Variants in IMMP2L observed in about 807,000 individuals in gnomAD.
IMMP2L encodes inner mitochondrial membrane peptidase subunit 2.
IMMP2L carries 18 observed loss-of-function variants against 19.3 expected under a neutral mutation model. The ratio of observed to expected loss-of-function variants is 0.93; its 90% CI spans 0.64 to 1.38. IMMP2L has a LOEUF of 1.38. Ranked by LOEUF, IMMP2L falls within the 40% of genes most tolerant of loss-of-function variation. IMMP2L has a pLI of 0.00. For missense variants in IMMP2L, 233 were observed against 218.2 expected (o/e 1.07, Z -0.43); for synonymous variants, 76 against 73.0 (o/e 1.04, Z -0.21).
At chr7:111,521,974 C>A (rs1319777474) in intron 1 of IMMP2L, among the ~76,000 whole-genome samples, 1 of 152,044 alleles carries the variant, frequency 6.6e-6, no homozygotes, top group Non-Finnish European at 1.5e-5. Flanking sequence ...TTTTCTTCCC[C>A]ATTTTATAAC....
At chr7:111,303,100 C>G (rs531062985) in intron 3 of IMMP2L, among the ~76,000 whole-genome samples, 12 of 151,690 alleles carry the variant, frequency 7.9e-5, no homozygotes, top group Admixed American at 1.3e-4. Context: ...ACCCAGGACT[C>G]AAATGTTTAA....
intron 5 of IMMP2L, among the ~76,000 whole-genome samples, chr7:110,691,966 G>A (rs960043145): frequency 1.3e-5 from 2 of 152,066 alleles, no homozygotes; most frequent in Admixed American, 6.6e-5. Context: ...GTATCTATTC[G>A]AAGGAAAAGA....
In IMMP2L at chr7:111,468,965, T is replaced by C. The variant is rs185190190; in HGVS notation, c.239+18273A>G. Among the ~76,000 whole-genome samples, 28 of 152,172 alleles carry C rather than the reference T, an allele frequency of 1.8e-4. No individual in the cohort carries two copies. The East Asian group carries it at 5.4e-3, about 29-fold the overall frequency. On this transcript the variant is annotated intron_variant, in intron 3 of 5. Transcript: ENST00000405709. ...TTGGGTTTGAGAAGTCTGAGGAATA[T>C]CATCATACACATATATCCAATGGAG...
At chr7:110,982,814 A>T (rs190663634) in intron 3 of IMMP2L, among the ~76,000 whole-genome samples, 91 of 152,216 alleles carry the variant, frequency 6.0e-4, no homozygotes, top group Admixed American at 1.1e-3. Context: ...GATCTTTGCA[A>T]TTCAAGTCTA....
chr7:111,214,337 T>TC (rs1267621259), intron 3 of IMMP2L, among the ~76,000 whole-genome samples: 2 of 118,940 alleles, frequency 1.7e-5, no homozygotes, highest in Non-Finnish European at 3.6e-5. Context: ...TCTTCTTTTT[T>TC]TTTTTTTTTT....
intron 5 of IMMP2L, among the ~76,000 whole-genome samples, chr7:110,723,241 A>C (rs1795686386): frequency 6.6e-6 from 1 of 152,190 alleles, no homozygotes; most frequent in Non-Finnish European, 1.5e-5. Context: ...ATAGGGACAG[A>C]AGTTATGCAT....
intron 1 of IMMP2L, among the ~76,000 whole-genome samples, chr7:111,529,293 A>G (rs1254556600): frequency 6.6e-6 from 1 of 152,214 alleles, no homozygotes; most frequent in Non-Finnish European, 1.5e-5. Context: ...ATTTGGATAC[A>G]TGTGGTCTAA....
chr7:110,684,336 G>C (rs1036904960), intron 5 of IMMP2L, among the ~76,000 whole-genome samples: 1 of 151,992 alleles, frequency 6.6e-6, no homozygotes, highest in Non-Finnish European at 1.5e-5. Flanking sequence ...AGAAAAGGTT[G>C]ATCATTTTAA....
At chr7:111,167,697 T>C in intron 3 of IMMP2L, among the ~76,000 whole-genome samples, 1 of 151,926 alleles carries the variant, frequency 6.6e-6, no homozygotes, top group East Asian at 1.9e-4. Context: ...CTCTCTAATA[T>C]CCTTCTAAGG....
At chr7:110,844,385 A>T (rs1304771568) in intron 5 of IMMP2L, among the ~76,000 whole-genome samples, 1 of 152,126 alleles carries the variant, frequency 6.6e-6, no homozygotes, top group African/African-American at 2.4e-5. Context: ...AGGACATAAG[A>T]GAGAAAATGT....
intron 3 of IMMP2L, among the ~76,000 whole-genome samples, chr7:111,041,141 T>A (rs1425886874): frequency 6.6e-6 from 1 of 152,114 alleles, no homozygotes; most frequent in Admixed American, 6.5e-5. Flanking sequence ...ATGTACCACC[T>A]AAGGAAATTT....
chr7:111,124,804 C>G (rs779322275), intron 3 of IMMP2L: 14 of 1,613,158 alleles, frequency 8.7e-6, no homozygotes, highest in Non-Finnish European at 1.2e-5. Flanking sequence ...TGAGCTTTAT[C>G]CTCCTCTGAT....
intron 3 of IMMP2L, among the ~76,000 whole-genome samples, chr7:111,083,414 G>T (rs1286274651): frequency 1.3e-5 from 2 of 152,080 alleles, no homozygotes; most frequent in Non-Finnish European, 2.9e-5. Context: ...AAAACATGAG[G>T]TATAGCTAAA....
At chr7:110,884,186 AT>A (rs1809978734) in intron 5 of IMMP2L, among the ~76,000 whole-genome samples, 1 of 152,010 alleles carries the variant, frequency 6.6e-6, no homozygotes. Flanking sequence ...ATCTGCAATA[AT>A]CAGTTATTTT....
At chr7:111,351,244 G>A (rs1828119734) in intron 3 of IMMP2L, among the ~76,000 whole-genome samples, 1 of 152,150 alleles carries the variant, frequency 6.6e-6, no homozygotes, top group African/African-American at 2.4e-5. Context: ...AGGCTGGAGT[G>A]CAGTGGCGCA....
intron 3 of IMMP2L, among the ~76,000 whole-genome samples, chr7:111,096,373 C>T (rs2129578835): frequency 6.6e-6 from 1 of 151,966 alleles, no homozygotes; most frequent in Admixed American, 6.6e-5. Context: ...TTTTATGGAA[C>T]TTCCACTCTA....
chr7:111,219,744 T>C (rs1812322568), intron 3 of IMMP2L, among the ~76,000 whole-genome samples: 1 of 150,852 alleles, frequency 6.6e-6, no homozygotes, highest in African/African-American at 2.4e-5. Flanking sequence ...GTACCACTAA[T>C]TTTTTTGGTC....
intron 3 of IMMP2L, among the ~76,000 whole-genome samples, chr7:110,964,197 A>G (rs1819288198): frequency 6.6e-6 from 1 of 152,050 alleles, no homozygotes; most frequent in African/African-American, 2.4e-5. Flanking sequence ...TTTATAAACT[A>G]TCCAGTCTCA....
chr7:111,442,010 G>C (rs6972449), intron 3 of IMMP2L, among the ~76,000 whole-genome samples: 20,793 of 151,502 alleles, frequency 0.14, 2,846 homozygotes, highest in African/African-American at 0.33. Context: ...GGTGGTGCGT[G>C]CCTGTTATCC....
Sources: allele counts gnomAD v4.1 joint callset (sites outside exome capture counted in the v4.1 genomes callset), GRCh38; gene constraint gnomAD v4.1.1; transcripts MANE v1.5; gene names NCBI Gene and HGNC (gene_info 2026-07-23, HGNC 2026-07-21).